Variants in NOL4 observed in about 807,000 individuals in gnomAD.
NOL4 encodes the protein nucleolar protein 4.
In NOL4, 17 loss-of-function variants were observed where a neutral mutation model predicts 75.9. That is an observed-to-expected ratio of 0.22 (90% confidence interval 0.15 to 0.34). NOL4 has a LOEUF of 0.34. Ranked by LOEUF, NOL4 falls within the 10% of genes least tolerant of loss-of-function variation. The probability of loss-of-function intolerance (pLI) is 1.00; values close to 1 mark genes in which losing one functional copy is unlikely to be tolerated. For missense variants in NOL4, 614 were observed against 793.5 expected, an observed-to-expected ratio of 0.77 and a Z score of 2.72; for synonymous variants, 292 against 289.9, an observed-to-expected ratio of 1.01 and a Z score of -0.07.
chr18:33,990,395 T>C (rs189134739), intron 6 of NOL4, among the ~76,000 whole-genome samples: 4 of 152,124 alleles, frequency 2.6e-5, no homozygotes, highest in Non-Finnish European at 5.9e-5. Context: ...CCCCCTTCCA[T>C]AGCAGACACA....
intron 6 of NOL4, among the ~76,000 whole-genome samples, chr18:33,985,458 T>C (rs1364629204): frequency 6.6e-6 from 1 of 152,166 alleles, no homozygotes; most frequent in Non-Finnish European, 1.5e-5. Context: ...TTCAATCCTA[T>C]ACAAATTATT....
At chr18:33,999,747 G>T (rs2073558172) in intron 6 of NOL4, among the ~76,000 whole-genome samples, 1 of 152,094 alleles carries the variant, frequency 6.6e-6, no homozygotes, top group Admixed American at 6.6e-5. Context: ...TGCCTCAAAG[G>T]TTCAAGCAAT....
chr18:33,900,378 A>T (rs1271776275), intron 9 of NOL4, among the ~76,000 whole-genome samples: 2 of 152,146 alleles, frequency 1.3e-5, no homozygotes, highest in East Asian at 3.9e-4. Context: ...AACACTGGGG[A>T]TGACAATTCA....
intron 2 of NOL4, among the ~76,000 whole-genome samples, chr18:34,105,755 A>G (rs899004436): frequency 1.3e-5 from 2 of 151,990 alleles, no homozygotes; most frequent in African/African-American, 2.4e-5. Context: ...CATTCATTTT[A>G]TGTCAATTTT....
Position 34,145,658 on chromosome 18 carries a change from A to G in NOL4, c.265-15638T>C, listed in dbSNP as rs576935042. Among the ~76,000 whole-genome samples, 14 of 152,062 alleles carry G rather than the reference A, an allele frequency of 9.2e-5. No individual in the cohort carries two copies. The East Asian group carries it at 2.3e-3, about 25-fold the overall frequency. On this transcript the variant is annotated intron_variant, in intron 1 of 10. Coordinates refer to ENST00000261592, the MANE Select transcript of NOL4 (RefSeq NM_003787.5). Reference sequence around the variant, plus strand: ...TATTTTTAAAAAGGAAAAGAAAAACATAAGAATTTTAAATGAACATTATCT... The same window carrying G: ...TATTTTTAAAAAGGAAAAGAAAAACGTAAGAATTTTAAATGAACATTATCT...
intron 1 of NOL4, among the ~76,000 whole-genome samples, chr18:34,203,743 AC>A (rs2146505303): frequency 6.6e-6 from 1 of 150,524 alleles, no homozygotes; most frequent in African/African-American, 2.4e-5. Context: ...ACACACACAC[AC>A]ACACACACGG....
At chr18:34,022,931 CT>C (rs1422943400) in intron 5 of NOL4, among the ~76,000 whole-genome samples, 2 of 151,900 alleles carry the variant, frequency 1.3e-5, no homozygotes, top group Non-Finnish European at 2.9e-5. Context: ...TCAGGAAAGG[CT>C]TTAATAAGTG....
At chr18:33,915,414 GGTTT>G (rs1338647086) in intron 9 of NOL4, among the ~76,000 whole-genome samples, 3 of 151,636 alleles carry the variant, frequency 2.0e-5, no homozygotes, top group Admixed American at 2.0e-4. Flanking sequence ...TTTGCTTTTC[GGTTT>G]GTTTGCTTTC....
chr18:33,903,956 G>A (rs765419287), intron 9 of NOL4, among the ~76,000 whole-genome samples: 7 of 152,116 alleles, frequency 4.6e-5, no homozygotes, highest in South Asian at 2.1e-4. Context: ...GGTCTGTTTC[G>A]AGAGCTAAAA....
intron 5 of NOL4, among the ~76,000 whole-genome samples, chr18:34,088,500 A>G (rs1485602150): frequency 6.6e-6 from 1 of 152,080 alleles, no homozygotes; most frequent in African/African-American, 2.4e-5. Context: ...AAACTGCTGA[A>G]TATTTGAAGG....
intron 5 of NOL4, among the ~76,000 whole-genome samples, chr18:34,057,175 G>C (rs1318865917): frequency 6.6e-6 from 1 of 151,942 alleles, no homozygotes; most frequent in Non-Finnish European, 1.5e-5. Context: ...CTTAAGGCAG[G>C]GATTTTACAC....
At chr18:33,853,818 T>C (rs1194486937) in intron 10 of NOL4, among the ~76,000 whole-genome samples, 5 of 152,108 alleles carry the variant, frequency 3.3e-5, no homozygotes, top group Non-Finnish European at 7.4e-5. Context: ...CCGAAACCTT[T>C]TTTTCTTACA....
chr18:33,953,661 T>C (rs2145692155), intron 8 of NOL4, among the ~76,000 whole-genome samples: 1 of 152,284 alleles, frequency 6.6e-6, no homozygotes, highest in Non-Finnish European at 1.5e-5. Flanking sequence ...CTTACTGGTG[T>C]CTTGATAAAT....
At chr18:34,094,997 A>G (rs1214551429) in intron 4 of NOL4, among the ~76,000 whole-genome samples, 8 of 152,286 alleles carry the variant, frequency 5.3e-5, no homozygotes, top group Non-Finnish European at 1.2e-4. Context: ...TTATTAACGA[A>G]CAAGACTATC....
chr18:33,893,389 A>ACTGAT (rs2065212672), intron 9 of NOL4, among the ~76,000 whole-genome samples: 1 of 152,094 alleles, frequency 6.6e-6, no homozygotes, highest in Non-Finnish European at 1.5e-5. Flanking sequence ...AGTTTGTTAA[A>ACTGAT]CTGATTTGGA....
intron 5 of NOL4, among the ~76,000 whole-genome samples, chr18:34,054,454 ATAT>A (rs937897888): frequency 2.0e-5 from 3 of 151,722 alleles, no homozygotes; most frequent in Non-Finnish European, 4.4e-5. Context: ...TAATTATGTG[ATAT>A]TATTATTTGT....
At chr18:34,001,261 TTCCAAA>T (rs1434761159) in intron 6 of NOL4, among the ~76,000 whole-genome samples, 4 of 152,154 alleles carry the variant, frequency 2.6e-5, no homozygotes, top group African/African-American at 9.6e-5. Flanking sequence ...TTAGCATGCA[TTCCAAA>T]GCACTAATTT....
chr18:33,881,496 G>A (rs1342539612), intron 10 of NOL4, among the ~76,000 whole-genome samples: 2 of 151,924 alleles, frequency 1.3e-5, no homozygotes, highest in African/African-American at 4.8e-5. Flanking sequence ...GATATTGGCT[G>A]TGGATGTGAA....
intron 2 of NOL4, among the ~76,000 whole-genome samples, chr18:34,129,603 C>T (rs888514344): frequency 1.3e-5 from 2 of 150,696 alleles, no homozygotes; most frequent in Non-Finnish European, 3.0e-5. Context: ...AATATATGTC[C>T]CCATTTGTGG....
Sources: gnomAD v4.1 joint callset for allele counts (sites outside exome capture counted in the v4.1 genomes callset) on GRCh38, gnomAD v4.1.1 for gene constraint, MANE v1.5 for transcripts, NCBI Gene and HGNC (gene_info 2026-07-23, HGNC 2026-07-21) for gene names.